PTPRG: variants seen among roughly 807,000 people sequenced by gnomAD.
PTPRG encodes the protein receptor-type tyrosine-protein phosphatase gamma.
In PTPRG, 102 loss-of-function variants were observed where a neutral mutation model predicts 165.3. That is an observed-to-expected ratio of 0.62 (90% CI 0.53 to 0.73). The LOEUF is 0.73. Among genes scored for constraint, PTPRG ranks in the 30% least tolerant of loss-of-function variants. The pLI is 0.00. For missense variants in PTPRG, 1,866 were observed against 1,861.4 expected (o/e 1.00, Z -0.05); for synonymous variants, 675 against 669.5 (o/e 1.01, Z -0.13).
intron 2 of PTPRG, among the ~76,000 whole-genome samples, chr3:61,822,423 G>A (rs1220161377): frequency 6.6e-6 from 1 of 152,158 alleles, no homozygotes; most frequent in Non-Finnish European, 1.5e-5. Flanking sequence ...ACATGTTAGT[G>A]TTGTCTCTGA....
At chr3:62,017,957 T>C (rs964443356) in intron 4 of PTPRG, among the ~76,000 whole-genome samples, 7 of 152,164 alleles carry the variant, frequency 4.6e-5, no homozygotes, top group Non-Finnish European at 1.5e-5. Flanking sequence ...CCATGAGAAT[T>C]GTATGCTGCA....
At chr3:61,805,530 C>CAAAAAAAAAAAAAAAAAA (rs58646519) in intron 2 of PTPRG, among the ~76,000 whole-genome samples, 5 of 96,526 alleles carry the variant, frequency 5.2e-5, no homozygotes, top group Non-Finnish European at 9.2e-5. Flanking sequence ...ATGGGAAAGA[C>CAAAAAAAAAAAAAAAAAA]AAAAAAAAAA....
At chr3:61,646,767 C>T (rs1272299077) in intron 1 of PTPRG, among the ~76,000 whole-genome samples, 1 of 152,182 alleles carries the variant, frequency 6.6e-6, no homozygotes, top group Non-Finnish European at 1.5e-5. Flanking sequence ...TCCATCACTG[C>T]AAAGATCTCA....
chr3:61,899,156 G>A (rs556559226), intron 2 of PTPRG, among the ~76,000 whole-genome samples: 1 of 152,096 alleles, frequency 6.6e-6, no homozygotes, highest in Non-Finnish European at 1.5e-5. Flanking sequence ...TTGTGAAATG[G>A]AGACATCTCT....
At chr3:62,227,509 C>A (rs1700789441) in intron 13 of PTPRG, among the ~76,000 whole-genome samples, 4 of 152,256 alleles carry the variant, frequency 2.6e-5, no homozygotes, top group Admixed American at 2.6e-4. Flanking sequence ...GGGACTGCAT[C>A]ATTCTTGTCC....
Position 62,191,520 on chromosome 3 carries a change from C to T in PTPRG, c.1085C>T (p.Ala362Val), listed in dbSNP as rs781461101. 6.2e-7 allele frequency: 1 copy of T among 1,614,132 alleles called. No individual in the cohort carries two copies. Among genetic ancestry groups the T allele is most frequent in the South Asian group, 1.1e-5 (1 of 91,068 alleles). The change falls in exon 9 of 30, where the codon GCA (alanine) becomes GTA (valine). Residue 362 changes from alanine (A) to valine (V), a missense_variant. This residue lies in a region of PTPRG where 1,452 missense variants were observed against 1,463.0 expected (regional missense o/e 0.99). Coordinates refer to ENST00000474889, the MANE Select transcript of PTPRG (RefSeq NM_002841.4). Reference sequence around the variant, plus strand: ...AAGGTGCAGCCTCTGAACCAGACGGCACTGCAGGTGTCCTGGAGCCAGCCG... The same window carrying T: ...AAGGTGCAGCCTCTGAACCAGACGGTACTGCAGGTGTCCTGGAGCCAGCCG... Reference protein sequence around the residue: ...HMKVQPLNQTALQVSWSQPET... With the variant: ...HMKVQPLNQTVLQVSWSQPET...
intron 2 of PTPRG, among the ~76,000 whole-genome samples, chr3:61,878,388 A>G (rs1013437099): frequency 6.6e-6 from 1 of 152,182 alleles, no homozygotes; most frequent in Admixed American, 6.5e-5. Flanking sequence ...AGTCAGGATA[A>G]GCAATACAAA....
intron 2 of PTPRG, among the ~76,000 whole-genome samples, chr3:61,900,633 A>G (rs973180527): frequency 4.6e-5 from 7 of 152,186 alleles, no homozygotes; most frequent in African/African-American, 1.4e-4. Context: ...CTGGAGGCCC[A>G]TTAATGCCCA....
At chr3:61,903,305 C>G (rs1298098760) in intron 2 of PTPRG, among the ~76,000 whole-genome samples, 1 of 152,222 alleles carries the variant, frequency 6.6e-6, no homozygotes, top group Non-Finnish European at 1.5e-5. Context: ...CACTGCTTTA[C>G]ATCTGCTCCT....
At chr3:61,633,510 C>G (rs558661332) in intron 1 of PTPRG, among the ~76,000 whole-genome samples, 3 of 152,072 alleles carry the variant, frequency 2.0e-5, no homozygotes, top group African/African-American at 7.2e-5. Context: ...TATAAAAATA[C>G]GATTGATTTT....
rs1699765252 is a variant in PTPRG at position 61,561,925 on chromosome 3, C to T, written c.-363C>T. ...TGCGCTGCCGACTCAAGTTGGGGATCCTCGGCTGCTCGCCGCCGCCGCCCG... is the reference window on the plus strand; with the variant it reads ...TGCGCTGCCGACTCAAGTTGGGGATTCTCGGCTGCTCGCCGCCGCCGCCCG... On this transcript the variant is annotated 5_prime_UTR_variant, in exon 1 of 30. Coordinates refer to ENST00000474889, the MANE Select transcript of PTPRG (RefSeq NM_002841.4). 1 of 162,282 alleles carries T rather than the reference C, an allele frequency of 6.2e-6. No homozygotes were observed. Among genetic ancestry groups the T allele is most frequent in the African/African-American group, 2.4e-5 (1 of 41,802 alleles). The allele number at this position is 162,282 out of a possible 1,614,324, so 10.1% of individuals were successfully genotyped here.
intron 5 of PTPRG, among the ~76,000 whole-genome samples, chr3:62,091,362 A>G (rs902768373): frequency 6.6e-6 from 1 of 152,210 alleles, no homozygotes; most frequent in African/African-American, 2.4e-5. Context: ...CTTTCTTACT[A>G]CTTTAAAGAG....
chr3:62,232,734 G>A (rs1262254818), intron 14 of PTPRG, among the ~76,000 whole-genome samples: 1 of 152,150 alleles, frequency 6.6e-6, no homozygotes, highest in African/African-American at 2.4e-5. Context: ...CAGTCTCTCT[G>A]GTATCTTCTC....
At chr3:61,924,250 C>G (rs769640607) in intron 2 of PTPRG, among the ~76,000 whole-genome samples, 20 of 152,184 alleles carry the variant, frequency 1.3e-4, no homozygotes, top group Non-Finnish European at 2.6e-4. Flanking sequence ...CATGCAGATC[C>G]TGACCTGCAC....
intron 4 of PTPRG, among the ~76,000 whole-genome samples, chr3:62,056,351 A>G (rs1700634175): frequency 6.6e-6 from 1 of 152,218 alleles, no homozygotes; most frequent in Non-Finnish European, 1.5e-5. Flanking sequence ...CACGGACCAC[A>G]TGTAGCCCAT....
chr3:62,022,723 C>A (rs552088854), intron 4 of PTPRG, among the ~76,000 whole-genome samples: 5 of 152,228 alleles, frequency 3.3e-5, no homozygotes, highest in African/African-American at 9.6e-5. Flanking sequence ...GAATTATATA[C>A]CTTTTGGGTC....
At chr3:61,842,940 G>T (rs1015965777) in intron 2 of PTPRG, among the ~76,000 whole-genome samples, 1 of 151,930 alleles carries the variant, frequency 6.6e-6, no homozygotes, top group Admixed American at 6.6e-5. Flanking sequence ...AGCCTATTAC[G>T]GCCACCATCA....
intron 28 of PTPRG, among the ~76,000 whole-genome samples, chr3:62,290,729 T>C (rs890937095): frequency 1.3e-5 from 2 of 151,682 alleles, no homozygotes; most frequent in African/African-American, 4.8e-5. Flanking sequence ...AATGGAAAAA[T>C]AAAATAACTG....
intron 7 of PTPRG, among the ~76,000 whole-genome samples, chr3:62,163,592 G>A (rs1366571966): frequency 6.6e-6 from 1 of 152,168 alleles, no homozygotes; most frequent in African/African-American, 2.4e-5. Flanking sequence ...ATAAATATAA[G>A]GGGGATAAGG....
Sources: allele counts gnomAD v4.1 joint callset (sites outside exome capture counted in the v4.1 genomes callset), GRCh38; gene constraint gnomAD v4.1.1; regional missense constraint gnomAD v4.1.1; transcripts MANE v1.5; gene names NCBI Gene and HGNC (gene_info 2026-07-23, HGNC 2026-07-21).